The following HS3ST3A1 variants were observed in gnomAD, a reference collection of about 807,000 sequenced individuals.
HS3ST3A1 encodes heparan sulfate glucosamine 3-O-sulfotransferase 3A1.
HS3ST3A1 carries 19 observed loss-of-function variants against 25.7 expected under a neutral mutation model. The ratio of observed to expected loss-of-function variants is 0.74; its 90% CI spans 0.52 to 1.08. The LOEUF is 1.08. Among genes scored for constraint, HS3ST3A1 ranks in the 50% least tolerant of loss-of-function variants. The probability of loss-of-function intolerance (pLI) is 0.00; values close to 1 mark genes in which losing one functional copy is unlikely to be tolerated. For missense variants in HS3ST3A1, 459 were observed against 594.3 expected (o/e 0.77, Z 2.37); for synonymous variants, 226 against 278.6 (o/e 0.81, Z 1.88).
At chr17:13,521,736 T>G (rs2142319298) in intron 1 of HS3ST3A1, among the ~76,000 whole-genome samples, 1 of 152,314 alleles carries the variant, frequency 6.6e-6, no homozygotes, top group Admixed American at 6.5e-5. Flanking sequence ...TAGAAGAACT[T>G]TATCATATTG....
At chr17:13,500,672 T>A (rs1905444345) in intron 1 of HS3ST3A1, among the ~76,000 whole-genome samples, 1 of 152,118 alleles carries the variant, frequency 6.6e-6, no homozygotes, top group South Asian at 2.1e-4. Flanking sequence ...TTACAGTAGG[T>A]ATGAAGATGA....
chr17:13,528,010 G>A (rs1227777112), intron 1 of HS3ST3A1, among the ~76,000 whole-genome samples: 2 of 152,072 alleles, frequency 1.3e-5, no homozygotes, highest in South Asian at 2.1e-4. Flanking sequence ...CCAGGAATAA[G>A]CAGTGCCTCC....
chr17:13,598,415 T>C (rs191354407), intron 1 of HS3ST3A1, among the ~76,000 whole-genome samples: 4 of 152,304 alleles, frequency 2.6e-5, no homozygotes, highest in East Asian at 3.9e-4. Context: ...AAGTTTCCTA[T>C]GTAATTGAGT....
intron 1 of HS3ST3A1, among the ~76,000 whole-genome samples, chr17:13,544,634 C>A (rs994489401): frequency 2.0e-5 from 3 of 152,124 alleles, no homozygotes; most frequent in Non-Finnish European, 4.4e-5. Flanking sequence ...CAATAAGGAG[C>A]AGATGGCGCC....
intron 1 of HS3ST3A1, among the ~76,000 whole-genome samples, chr17:13,545,845 CG>C (rs1251320426): frequency 6.6e-6 from 1 of 151,962 alleles, no homozygotes; most frequent in Non-Finnish European, 1.5e-5. Context: ...TGTGGTGGTG[CG>C]CACCTATAGA....
chr17:13,601,137 G>T lies in HS3ST3A1; in HGVS notation c.-8C>A. ...CGGGCCCGGAGGGGCCATCCTAGCC[G>T]GAGGCGACGTCGGGCAACGCGCCGG... On this transcript the variant is annotated 5_prime_UTR_variant, in exon 1 of 2. Coordinates refer to ENST00000284110, the MANE Select transcript of HS3ST3A1 (RefSeq NM_006042.3). 6.6e-7 allele frequency: 1 copy of T among 1,518,070 alleles called. No homozygotes were observed. Among genetic ancestry groups the T allele is most frequent in the African/African-American group, 1.4e-5 (1 of 70,500 alleles). The allele number at this position is 1,518,070 out of a possible 1,614,324, so 94.0% of individuals were successfully genotyped here. A position where few individuals can be genotyped will look rare whatever the true frequency, so the allele number is the denominator to read the frequency against.
intron 1 of HS3ST3A1, among the ~76,000 whole-genome samples, chr17:13,545,943 C>T (rs1280446641): frequency 1.3e-5 from 2 of 151,930 alleles, no homozygotes; most frequent in Non-Finnish European, 2.9e-5. Context: ...TGTCACTGCA[C>T]TCCAGCCTGG....
chr17:13,542,507 A>G (rs1387509501), intron 1 of HS3ST3A1, among the ~76,000 whole-genome samples: 1 of 152,014 alleles, frequency 6.6e-6, no homozygotes, highest in Non-Finnish European at 1.5e-5. Context: ...AGGTCGCGGG[A>G]GAGAACAACC....
chr17:13,583,663 T>A lies in HS3ST3A1; in HGVS notation c.599+16868A>T, dbSNP rs1908172608. Among the ~76,000 whole-genome samples the A allele has an allele frequency of 2.0e-5, 3 of 152,168 alleles. No homozygotes were observed. In the South Asian group the frequency reaches 6.2e-4, roughly 32 times the overall value. On this transcript the variant is annotated intron_variant, in intron 1 of 1. Transcript: ENST00000284110. Reference sequence around the variant, plus strand: ...TGAAATACATTAATTATTTGCAATATCCCAATATTAAATCTAAAGAGATGA... The same window carrying A: ...TGAAATACATTAATTATTTGCAATAACCCAATATTAAATCTAAAGAGATGA...
chr17:13,550,586 G>A (rs1907211844), intron 1 of HS3ST3A1, among the ~76,000 whole-genome samples: 1 of 152,034 alleles, frequency 6.6e-6, no homozygotes, highest in East Asian at 1.9e-4. Flanking sequence ...TCAGTTTTAT[G>A]AGTGAAAAAT....
At chr17:13,552,360 C>T (rs544055210) in intron 1 of HS3ST3A1, among the ~76,000 whole-genome samples, 3 of 152,302 alleles carry the variant, frequency 2.0e-5, no homozygotes, top group Middle Eastern at 3.4e-3. Context: ...GGATCACAGG[C>T]GTGAGCCACC....
At chr17:13,576,355 C>T (rs756274190) in intron 1 of HS3ST3A1, among the ~76,000 whole-genome samples, 4 of 152,206 alleles carry the variant, frequency 2.6e-5, no homozygotes, top group Non-Finnish European at 4.4e-5. Context: ...ACTCACGTGG[C>T]TGTTGGAAGA....
intron 1 of HS3ST3A1, among the ~76,000 whole-genome samples, chr17:13,579,525 A>ACCCTGTCT: frequency 6.6e-6 from 1 of 151,916 alleles, no homozygotes; most frequent in East Asian, 1.9e-4. Context: ...ACATGGTGAA[A>ACCCTGTCT]CCCTGTCTCT....
At chr17:13,554,403 A>G (rs1907319316) in intron 1 of HS3ST3A1, among the ~76,000 whole-genome samples, 1 of 152,246 alleles carries the variant, frequency 6.6e-6, no homozygotes, top group Non-Finnish European at 1.5e-5. Flanking sequence ...ATTAAAAAAT[A>G]TAAATGAGAA....
chr17:13,578,920 A>G (rs1908025843), intron 1 of HS3ST3A1, among the ~76,000 whole-genome samples: 1 of 152,198 alleles, frequency 6.6e-6, no homozygotes, highest in Non-Finnish European at 1.5e-5. Flanking sequence ...TGTCATTTTT[A>G]TTAAATATAC....
chr17:13,548,480 G>A (rs2142353344), intron 1 of HS3ST3A1, among the ~76,000 whole-genome samples: 1 of 152,298 alleles, frequency 6.6e-6, no homozygotes, highest in Admixed American at 6.5e-5. Flanking sequence ...GCAGGAACAT[G>A]TTTAGTCCAT....
intron 1 of HS3ST3A1, among the ~76,000 whole-genome samples, chr17:13,500,742 T>C (rs775672667): frequency 1.4e-4 from 21 of 152,172 alleles, no homozygotes; most frequent in Non-Finnish European, 2.1e-4. Context: ...TGTTTTGTCC[T>C]GAGGGAGGCA....
rs1479112667 is a variant in HS3ST3A1, at chr17:13,502,906, G to T, written c.600-6088C>A. Among the ~76,000 whole-genome samples, 6 of 151,490 alleles carry T rather than the reference G, an allele frequency of 4.0e-5. No homozygotes were observed. The East Asian group carries it at 1.2e-3, about 29-fold the overall frequency. ...AAAAAAAAAAAAAAATAGGGCCAGG[G>T]GTGGTGGCTCACGCCTATAATCCCA... On this transcript the variant is annotated intron_variant, in intron 1 of 1. Coordinates refer to ENST00000284110, the MANE Select transcript of HS3ST3A1 (RefSeq NM_006042.3).
chr17:13,498,595 G>T (rs1241165580), intron 1 of HS3ST3A1, among the ~76,000 whole-genome samples: 1 of 152,130 alleles, frequency 6.6e-6, no homozygotes, highest in Non-Finnish European at 1.5e-5. Flanking sequence ...TTCCTGAGAG[G>T]GTCCTGCCCC....
Sources: allele counts gnomAD v4.1 joint callset (sites outside exome capture counted in the v4.1 genomes callset), GRCh38; gene constraint gnomAD v4.1.1; transcripts MANE v1.5; gene names NCBI Gene and HGNC (gene_info 2026-07-23, HGNC 2026-07-21).